The following SYT1 variants were observed in gnomAD, a reference collection of about 807,000 sequenced individuals.
SYT1 encodes the protein synaptotagmin-1.
SYT1 carries 8 observed loss-of-function variants against 44.8 expected under a neutral mutation model. That is an observed-to-expected ratio of 0.18 (90% CI 0.10 to 0.32). SYT1 has a LOEUF of 0.32. Among genes scored for constraint, SYT1 ranks in the 10% least tolerant of loss-of-function variants. The probability of loss-of-function intolerance (pLI) is 1.00; values close to 1 mark genes in which losing one functional copy is unlikely to be tolerated. For missense variants in SYT1, 286 were observed against 509.3 expected (o/e 0.56, Z 4.22); for synonymous variants, 154 against 188.8 (o/e 0.82, Z 1.51).
At chr12:78,887,065 C>T (rs1320745274) in intron 1 of SYT1, among the ~76,000 whole-genome samples, 1 of 152,006 alleles carries the variant, frequency 6.6e-6, no homozygotes. Flanking sequence ...ATTTCACTTT[C>T]TGTGGTTTCA....
rs902266827 is a variant in SYT1, at chr12:78,971,447, TA to T, written c.-216-6344del. Among the ~76,000 whole-genome samples, 75 of 151,680 alleles carry T rather than the reference TA, an allele frequency of 4.9e-4. 2 individuals carry two copies. The highest frequency in any genetic ancestry group is 1.0e-4 in the Non-Finnish European group (7 of 67,810). ...GTCTGTGTTGAGATTTTAGAAATAATAAAAAAAAGAGTAGATGCATTGTTCC... is the reference window on the plus strand; with the variant it reads ...GTCTGTGTTGAGATTTTAGAAATAATAAAAAAAGAGTAGATGCATTGTTCC... On this transcript the variant is annotated intron_variant, in intron 1 of 10. Coordinates refer to ENST00000261205, the MANE Select transcript of SYT1 (RefSeq NM_005639.3).
chr12:79,040,176 C>G (rs1216916729), intron 2 of SYT1, among the ~76,000 whole-genome samples: 6 of 151,466 alleles, frequency 4.0e-5, no homozygotes, highest in Non-Finnish European at 8.8e-5. Flanking sequence ...TTTCTAGTTC[C>G]AGATCCCTGA....
chr12:79,040,067 A>G (rs1177685297), intron 2 of SYT1, among the ~76,000 whole-genome samples: 1 of 152,052 alleles, frequency 6.6e-6, no homozygotes, highest in South Asian at 2.1e-4. Context: ...ATTGTGAGTA[A>G]TGCCGCAATA....
At chr12:79,132,075 G>T (rs1272704863) in intron 3 of SYT1, among the ~76,000 whole-genome samples, 2 of 152,100 alleles carry the variant, frequency 1.3e-5, no homozygotes, top group Admixed American at 6.5e-5. Flanking sequence ...TGTTATTAAA[G>T]ACTTTGTTAC....
At chr12:79,059,169 A>T (rs139354265) in intron 3 of SYT1, among the ~76,000 whole-genome samples, 3,386 of 152,092 alleles carry the variant, frequency 0.022, 61 homozygotes, top group Middle Eastern at 0.078. Flanking sequence ...CATGAGACTT[A>T]TTCACTGTCA....
intron 8 of SYT1, among the ~76,000 whole-genome samples, chr12:79,301,654 C>T (rs1880157147): frequency 6.6e-6 from 1 of 152,004 alleles, no homozygotes; most frequent in East Asian, 1.9e-4. Flanking sequence ...GTTCTCTTTC[C>T]CCATTTTGTG....
intron 4 of SYT1, among the ~76,000 whole-genome samples, chr12:79,276,672 C>CA (rs570244503): frequency 0.079 from 9,151 of 115,964 alleles, 337 homozygotes; most frequent in African/African-American, 0.12. Flanking sequence ...AAGACTCCAT[C>CA]AAAAAAAAAA....
chr12:78,975,012 AT>A (rs1482829220), intron 1 of SYT1, among the ~76,000 whole-genome samples: 1 of 151,892 alleles, frequency 6.6e-6, no homozygotes, highest in East Asian at 1.9e-4. Context: ...GTAACTTTTT[AT>A]TTTTTTAAGT....
chr12:78,935,652 G>A (rs1469283854), intron 1 of SYT1, among the ~76,000 whole-genome samples: 2 of 151,982 alleles, frequency 1.3e-5, no homozygotes, highest in South Asian at 2.1e-4. Flanking sequence ...AAATAAAACC[G>A]TTCATGTTAA....
chr12:79,365,033 C>T (rs953125479), intron 9 of SYT1, among the ~76,000 whole-genome samples: 1 of 152,072 alleles, frequency 6.6e-6, no homozygotes, highest in Non-Finnish European at 1.5e-5. Flanking sequence ...TCCACAACCC[C>T]ACCACTTCTT....
chr12:79,023,420 G>T (rs1476485884), intron 2 of SYT1, among the ~76,000 whole-genome samples: 1 of 151,726 alleles, frequency 6.6e-6, no homozygotes, highest in African/African-American at 2.4e-5. Flanking sequence ...GCTCCACAGA[G>T]GATGTCTGAC....
chr12:79,259,788 G>A (rs1877728179), intron 4 of SYT1, among the ~76,000 whole-genome samples: 1 of 152,144 alleles, frequency 6.6e-6, no homozygotes, highest in Non-Finnish European at 1.5e-5. Context: ...ATTATGTGGA[G>A]CCATATGGGG....
chr12:79,310,111 T>C (rs61928792), intron 8 of SYT1, among the ~76,000 whole-genome samples: 3,997 of 152,288 alleles, frequency 0.026, 73 homozygotes, highest in Non-Finnish European at 0.042. Context: ...TACTGAATGG[T>C]AATGCCTAGG....
intron 9 of SYT1, among the ~76,000 whole-genome samples, chr12:79,442,297 T>G (rs902492750): frequency 1.3e-5 from 2 of 152,140 alleles, no homozygotes; most frequent in African/African-American, 4.8e-5. Flanking sequence ...GAACCAAAAA[T>G]CAACATTGGC....
In SYT1 at chr12:78,920,406, A is replaced by G. The variant is rs1276860663; in HGVS notation, c.-217+55297A>G. Reference sequence around the variant, plus strand: ...GACAAAATATGCATCATAGACAAACAGATGATGCCATCATCTATGAATGCA... The same window carrying G: ...GACAAAATATGCATCATAGACAAACGGATGATGCCATCATCTATGAATGCA... On this transcript the variant is annotated intron_variant, in intron 1 of 10. Coordinates refer to ENST00000261205, the MANE Select transcript of SYT1 (RefSeq NM_005639.3). 2.0e-5 allele frequency among the ~76,000 whole-genome samples: 3 copies of G among 152,184 alleles called. No homozygotes were observed. The South Asian group carries it at 6.2e-4, about 31-fold the overall frequency.
chr12:79,058,325 G>C (rs780678771), intron 3 of SYT1, among the ~76,000 whole-genome samples: 1 of 152,098 alleles, frequency 6.6e-6, no homozygotes, highest in Non-Finnish European at 1.5e-5. Flanking sequence ...GTGTGAGTGA[G>C]AGGGACACAA....
chr12:79,088,768 G>GTGTA (rs986669968), intron 3 of SYT1, among the ~76,000 whole-genome samples: 2 of 150,978 alleles, frequency 1.3e-5, no homozygotes, highest in African/African-American at 4.9e-5. Flanking sequence ...GTGTGTGTGT[G>GTGTA]TGTGTGTGTG....
intron 3 of SYT1, among the ~76,000 whole-genome samples, chr12:79,166,650 C>T (rs1871238883): frequency 6.6e-6 from 1 of 151,904 alleles, no homozygotes; most frequent in South Asian, 2.1e-4. Context: ...TGCTCTCCTT[C>T]TATTTTTAGA....
At chr12:79,420,204 A>C (rs1869018194) in intron 9 of SYT1, among the ~76,000 whole-genome samples, 1 of 152,098 alleles carries the variant, frequency 6.6e-6, no homozygotes, top group Non-Finnish European at 1.5e-5. Context: ...GGTATGCACA[A>C]TTTTTAAATT....
Sources: allele counts gnomAD v4.1 joint callset (sites outside exome capture counted in the v4.1 genomes callset), GRCh38; gene constraint gnomAD v4.1.1; transcripts MANE v1.5; gene names NCBI Gene and HGNC (gene_info 2026-07-23, HGNC 2026-07-21).